GTPBP3: variants seen among roughly 807,000 people sequenced by gnomAD.
GTPBP3 encodes the protein GTP binding protein 3, mitochondrial.
GTPBP3 carries 35 observed loss-of-function variants against 42.0 expected under a neutral mutation model. That is an observed-to-expected ratio of 0.83 (90% confidence interval 0.64 to 1.10). GTPBP3 has a LOEUF of 1.10. Ranked by LOEUF, GTPBP3 falls within the 50% of genes least tolerant of loss-of-function variation. GTPBP3 has a pLI of 0.00. For synonymous variants in GTPBP3, 332 were observed against 314.9 expected (o/e 1.05, Z -0.58); for missense variants, 691 against 685.2 (o/e 1.01, Z -0.09).
upstream of GTPBP3, chr19:17,335,070 C>A (rs2074355322): frequency 6.5e-7 from 1 of 1,536,020 alleles, no homozygotes; most frequent in Non-Finnish European, 8.7e-7. Flanking sequence ...GCCTCAGTTT[C>A]CCCATCTGCA....
Position 17,337,577 on chromosome 19 carries a change from G to A in GTPBP3, c.-35G>A, listed in dbSNP as rs533025425. ...CCTGCCCAGACTTGAAGCCACACAGGCAGGTCGGGCAGGCGGGTCGCAGGT... is the reference window on the plus strand; with the variant it reads ...CCTGCCCAGACTTGAAGCCACACAGACAGGTCGGGCAGGCGGGTCGCAGGT... On this transcript the variant is annotated 5_prime_UTR_variant, in exon 1 of 9. Coordinates refer to ENST00000324894, the MANE Select transcript of GTPBP3 (RefSeq NM_032620.4). The A allele has an allele frequency of 4.6e-6, 6 of 1,317,478 alleles. No homozygotes were observed. The African/African-American group carries it at 4.6e-5, about 10-fold the overall frequency. 81.6% of individuals were successfully genotyped at this position (1,317,478 alleles called of 1,614,324 possible).
Position 17,338,102 on chromosome 19 carries a change from G to A in GTPBP3, c.148G>A (p.Val50Met), listed in dbSNP as rs2074385331. The A allele has an allele frequency of 6.3e-7, 1 of 1,596,224 alleles. No individual in the cohort carries two copies. Among genetic ancestry groups the A allele is most frequent in the Non-Finnish European group, 8.5e-7 (1 of 1,178,688 alleles). The change falls in exon 2 of 9, where the codon GTG becomes ATG. Residue 50 changes from valine (V) to methionine (M), a missense_variant. Coordinates refer to ENST00000324894, the MANE Select transcript of GTPBP3 (RefSeq NM_032620.4). ...SSGQGRCGIA[V>M]IRTSGPASGH... is the part of the protein sequence containing the mutation. ...TGGCCAAGGCCGCTGCGGCATCGCAGTGATCCGGACCAGCGGCCCCGCCAG... is the reference window on the plus strand; with the variant it reads ...TGGCCAAGGCCGCTGCGGCATCGCAATGATCCGGACCAGCGGCCCCGCCAG...
intron 8 of GTPBP3, 73 bp downstream of exon 8, chr19:17,341,395 A>G: frequency 6.4e-7 from 1 of 1,555,548 alleles, no homozygotes; most frequent in Non-Finnish European, 8.7e-7. Context: ...CAATTTCTGA[A>G]CCTACAAAAT....
At position 17,339,568 on chromosome 19, in the gene GTPBP3, G is replaced by C; in HGVS notation, c.943G>C (p.Glu315Gln). 1 of 1,611,742 alleles carries C rather than the reference G, an allele frequency of 6.2e-7. No individual in the cohort carries two copies. Among genetic ancestry groups the C allele is most frequent in the African/African-American group, 1.3e-5 (1 of 75,020 alleles). ...AGLREGVGPV[E>Q]QEGVRRARER... ...GTTGCGGGAGGGCGTGGGGCCCGTG[G>C]AGCAGGAGGGCGTGCGGCGCGCCCG... is the stretch of plus-strand genomic sequence containing the variant. The change falls in exon 7 of 9, where the codon GAG becomes CAG. Residue 315 changes from glutamate to glutamine, a missense_variant. Glu to Gln is a conservative substitution (Grantham distance 29, BLOSUM62 2). Coordinates refer to ENST00000324894, the MANE Select transcript of GTPBP3 (RefSeq NM_032620.4).
intron 7 of GTPBP3, among the ~76,000 whole-genome samples, chr19:17,340,018 C>T (rs1227966889): frequency 6.7e-6 from 1 of 149,746 alleles, no homozygotes; most frequent in Non-Finnish European, 1.5e-5. Context: ...GTGAGCCCAC[C>T]GCACCTGGCC....
chr19:17,342,066 TTCCC>T lies in GTPBP3; in HGVS notation c.*365_*368del, dbSNP rs2074438072. 6.8e-6 allele frequency: 1 copy of T among 146,080 alleles called. No homozygotes were observed. The highest frequency in any genetic ancestry group is 2.5e-4 in the South Asian group (1 of 3,958). The allele number at this position is 146,080 out of a possible 1,614,324, so 9.0% of individuals were successfully genotyped here. A position where few individuals can be genotyped will look rare whatever the true frequency, so the allele number is the denominator to read the frequency against. ...GTTTATTTTCTTCCCTTCCCTTCCCTTCCCTTTCCTTTTCCCTTTCCCTTTCCCC... is the reference window on the plus strand; with the variant it reads ...GTTTATTTTCTTCCCTTCCCTTCCCTTTTCCTTTTCCCTTTCCCTTTCCCC... On this transcript the variant is annotated 3_prime_UTR_variant, in exon 9 of 9. Transcript: ENST00000324894.
In GTPBP3 at chr19:17,341,757, G is replaced by A. The variant is rs2074435622; in HGVS notation, c.*54G>A. 2.1e-6 allele frequency: 3 copies of A among 1,458,770 alleles called. No individual in the cohort carries two copies. Among genetic ancestry groups the A allele is most frequent in the Non-Finnish European group, 2.8e-6 (3 of 1,080,686 alleles). The allele number at this position is 1,458,770 out of a possible 1,614,324, so 90.4% of individuals were successfully genotyped here. On this transcript the variant is annotated 3_prime_UTR_variant, in exon 9 of 9. Coordinates refer to ENST00000324894, the MANE Select transcript of GTPBP3 (RefSeq NM_032620.4). The stretch of plus-strand genomic sequence containing the variant: ...GCGTGGAGACCCAGGAGCCTCGGGG[G>A]ATCTGGAAACAGTTTAGGCCAATTG...
intron 6 of GTPBP3, 61 bp downstream of exon 6, chr19:17,339,327 T>A: frequency 6.3e-7 from 1 of 1,580,576 alleles, no homozygotes; most frequent in South Asian, 1.2e-5. Flanking sequence ...AGAGCTGGGT[T>A]ATTGAGTTAG....
rs952643792 is a variant in GTPBP3, at chr19:17,341,935, C to T, written c.*232C>T. The T allele has an allele frequency of 1.2e-5, 5 of 424,764 alleles. No homozygotes were observed. The highest frequency in any genetic ancestry group is 1.8e-4 in the South Asian group (2 of 11,424). The allele number at this position is 424,764 out of a possible 1,614,324, so 26.3% of individuals were successfully genotyped here. ...GTTCGACCCTTGATGCTGGGGCATCCGGGTTGGGATGGAGATAGGAGGATC... is the reference window on the plus strand; with the variant it reads ...GTTCGACCCTTGATGCTGGGGCATCTGGGTTGGGATGGAGATAGGAGGATC... On this transcript the variant is annotated 3_prime_UTR_variant, in exon 9 of 9. Coordinates refer to ENST00000324894, the MANE Select transcript of GTPBP3 (RefSeq NM_032620.4).
chr19:17,336,302 AC>A (rs1374500459), upstream of GTPBP3, among the ~76,000 whole-genome samples: 2 of 150,402 alleles, frequency 1.3e-5, no homozygotes, highest in Non-Finnish European at 3.0e-5. Flanking sequence ...CACCAAAAAA[AC>A]GAAAACAAAA....
chr19:17,341,421 C>A, intron 8 of GTPBP3, 57 bp from the exon 9 acceptor site: 1 of 1,568,708 alleles, frequency 6.4e-7, no homozygotes, highest in Non-Finnish European at 8.7e-7. Context: ...CAACCATTTC[C>A]CCTTCAAGGG....
chr19:17,341,772 T>C lies in GTPBP3; in HGVS notation c.*69T>C, dbSNP rs2074435692. On this transcript the variant is annotated 3_prime_UTR_variant, in exon 9 of 9. Transcript: ENST00000324894. ...AGCCTCGGGGGATCTGGAAACAGTT[T>C]AGGCCAATTGGGATTCTCATTCGCC... 6 of 1,340,160 alleles carry C rather than the reference T, an allele frequency of 4.5e-6. No individual in the cohort carries two copies. In the South Asian group the frequency reaches 8.5e-5, roughly 19 times the overall value. 83.0% of individuals were successfully genotyped at this position (1,340,160 alleles called of 1,614,324 possible).
At position 17,339,442 on chromosome 19, in the gene GTPBP3, C is replaced by G; in HGVS notation, c.817C>G (p.Pro273Ala). The G allele has an allele frequency of 6.2e-7, 1 of 1,613,760 alleles. No individual in the cohort carries two copies. Among genetic ancestry groups the G allele is most frequent in the Non-Finnish European group, 8.5e-7 (1 of 1,179,932 alleles). The change falls in exon 7 of 9, where the codon CCT becomes GCT. Residue 273 changes from proline to alanine, a missense_variant. By Grantham distance (27) the Pro-to-Ala change is conservative. Coordinates refer to ENST00000324894, the MANE Select transcript of GTPBP3 (RefSeq NM_032620.4). ...SSLVNLLSRK[P>A]VSIVSPEPGT... Reference sequence around the variant, plus strand: ...TTCTGACCCTCCCCCAGGTCGGAAGCCTGTGTCCATCGTGTCCCCGGAGCC... The same window carrying G: ...TTCTGACCCTCCCCCAGGTCGGAAGGCTGTGTCCATCGTGTCCCCGGAGCC...
At chr19:17,340,872 C>G in intron 7 of GTPBP3, 172 bp from the exon 8 acceptor site, 1 of 451,578 alleles carries the variant, frequency 2.2e-6, no homozygotes, top group Non-Finnish European at 3.9e-6. Flanking sequence ...ACCCCCTGTG[C>G]TCGGCTTGGG....
Position 17,338,030 on chromosome 19 carries a change from G to A in GTPBP3, c.76G>A (p.Gly26Ser), listed in dbSNP as rs774670384. 1.3e-6 allele frequency: 2 copies of A among 1,597,690 alleles called. No individual in the cohort carries two copies. Among genetic ancestry groups the A allele is most frequent in the African/African-American group, 1.3e-5 (1 of 74,868 alleles). ...PRRLCTRRSS[G>S]APAPGSGATI... ...CAGATTGTGCACGCGCCGGAGCAGC[G>A]GCGCACCAGCCCCCGGCTCCGGCGC... Residue 26 changes from glycine (G) to serine (S), a missense_variant, in exon 2 of 9, where the codon GGC (glycine) becomes AGC (serine). Coordinates refer to ENST00000324894, the MANE Select transcript of GTPBP3 (RefSeq NM_032620.4).
chr19:17,337,897 A>C, intron 1 of GTPBP3, 111 bp from the exon 2 acceptor site: 1 of 1,294,506 alleles, frequency 7.7e-7, no homozygotes, highest in Non-Finnish European at 1.1e-6. Flanking sequence ...TGCATCCCCC[A>C]GCCGCAGAAC....
chr19:17,341,360 A>G (rs377016526), intron 8 of GTPBP3, 38 bp downstream of exon 8: 102 of 1,559,234 alleles, frequency 6.5e-5, no homozygotes, highest in Non-Finnish European at 8.7e-5. Flanking sequence ...CCTGACCCAC[A>G]GTTTAAGTGT....
intron 1 of GTPBP3, 98 bp downstream of exon 1, chr19:17,337,762 A>G (rs759935411): frequency 7.4e-6 from 10 of 1,359,104 alleles, no homozygotes; most frequent in Admixed American, 3.1e-5. Flanking sequence ...GCGGCAGAGC[A>G]ATCATTCGCG....
rs1168406958 is a variant in GTPBP3 at position 17,338,385 on chromosome 19, G to A, written c.322G>A (p.Glu108Lys). 6.2e-7 allele frequency: 1 copy of A among 1,614,194 alleles called. No individual in the cohort carries two copies. Among genetic ancestry groups the A allele is most frequent in the Non-Finnish European group, 8.5e-7 (1 of 1,180,046 alleles). ...ATTAGGTCCCCAGAGTTTCACCGGT[G>A]AGGACTGCGTGGAGTTCCACGTGCA... Reference protein sequence around the residue: ...WFPGPQSFTGEDCVEFHVHGG... With the variant: ...WFPGPQSFTGKDCVEFHVHGG... Residue 108 changes from glutamate to lysine, a missense_variant, in exon 3 of 9, where the codon GAG (glutamate) becomes AAG (lysine). Glu to Lys is a moderately conservative substitution (Grantham distance 56). Transcript: ENST00000324894.
Sources: allele counts gnomAD v4.1 joint callset (sites outside exome capture counted in the v4.1 genomes callset), GRCh38; gene constraint gnomAD v4.1.1; transcripts MANE v1.5; gene names NCBI Gene and HGNC (gene_info 2026-07-23, HGNC 2026-07-21).